The following DECR1 variants were observed in gnomAD, a reference collection of about 807,000 sequenced individuals.
The protein encoded by DECR1 is 2,4-dienoyl-CoA reductase [(3E)-enoyl-CoA-producing], mitochondrial.
Under a neutral mutation model 38.8 loss-of-function variants are expected in DECR1, and 44 were observed. The observed-to-expected ratio is 1.13, with a 90% confidence interval of 0.89 to 1.46. DECR1 has a LOEUF of 1.46. DECR1 is among the 40% of genes most tolerant of loss of function. The probability of loss-of-function intolerance (pLI) is 0.00; values close to 1 mark genes in which losing one functional copy is unlikely to be tolerated. For missense variants in DECR1, 428 were observed against 405.5 expected (o/e 1.06, Z -0.48); for synonymous variants, 148 against 135.2 (o/e 1.09, Z -0.66).
intron 4 of DECR1, among the ~76,000 whole-genome samples, chr8:90,019,515 A>G (rs1196653236): frequency 1.3e-5 from 2 of 152,244 alleles, no homozygotes; most frequent in Non-Finnish European, 2.9e-5. Flanking sequence ...AATTAGGTTT[A>G]TGCAGAAATT....
chr8:90,026,736 G>A (rs1484668607), intron 5 of DECR1, among the ~76,000 whole-genome samples: 6 of 152,044 alleles, frequency 3.9e-5, no homozygotes, highest in African/African-American at 1.4e-4. Flanking sequence ...GTTCTGCTCT[G>A]ATCTTAGTAA....
intron 6 of DECR1, among the ~76,000 whole-genome samples, chr8:90,040,533 G>A (rs1472601112): frequency 2.0e-5 from 3 of 152,136 alleles, no homozygotes; most frequent in Non-Finnish European, 4.4e-5. Flanking sequence ...GTGCAGGTTT[G>A]TTACATAGGT....
intron 5 of DECR1, 98 bp from the exon 6 acceptor site, chr8:90,036,743 A>G: frequency 1.4e-6 from 1 of 734,324 alleles, no homozygotes; most frequent in Non-Finnish European, 2.2e-6. Flanking sequence ...TTTTTCTTAT[A>G]CCCTCTTTAA....
chr8:90,018,117 AC>A (rs1813055699), intron 2 of DECR1, among the ~76,000 whole-genome samples: 1 of 152,180 alleles, frequency 6.6e-6, no homozygotes, highest in African/African-American at 2.4e-5. Context: ...TGAACTCCTG[AC>A]CTCAGGTGAT....
At chr8:90,030,444 C>T (rs1228291088) in intron 5 of DECR1, 1 of 152,238 alleles carries the variant, frequency 6.6e-6, no homozygotes, top group African/African-American at 2.4e-5. Context: ...ATTCCTTCCC[C>T]ACCATTTCCT....
intron 8 of DECR1, 37 bp from the exon 9 acceptor site, chr8:90,051,640 G>C (rs554605005): frequency 6.5e-7 from 1 of 1,543,654 alleles, no homozygotes; most frequent in Admixed American, 1.7e-5. Flanking sequence ...TTTTTAAAAG[G>C]AGTTAGTTTC....
At chr8:90,025,505 A>G (rs1361448774) in intron 5 of DECR1, among the ~76,000 whole-genome samples, 1 of 152,186 alleles carries the variant, frequency 6.6e-6, no homozygotes, top group East Asian at 1.9e-4. Flanking sequence ...GAGTTCACTC[A>G]TGATTTGGCT....
At chr8:90,042,132 A>G (rs1254020064) in intron 6 of DECR1, among the ~76,000 whole-genome samples, 1 of 152,152 alleles carries the variant, frequency 6.6e-6, no homozygotes, top group Admixed American at 6.6e-5. Context: ...ATTTCCTTTC[A>G]AGTTTGGTTC....
chr8:90,015,732 C>A (rs1812991252), intron 1 of DECR1: 1 of 453,438 alleles, frequency 2.2e-6, no homozygotes, highest in South Asian at 1.6e-5. Flanking sequence ...TATCACATAA[C>A]CTCCCTGGTG....
At chr8:90,005,600 C>A in intron 1 of DECR1, 1 of 372,526 alleles carries the variant, frequency 2.7e-6, no homozygotes, top group Middle Eastern at 9.7e-4. Flanking sequence ...AGCTGGCTCC[C>A]AAAAGGAAGA....
intron 1 of DECR1, chr8:90,016,791 A>G (rs1275676137): frequency 3.6e-6 from 1 of 280,256 alleles, no homozygotes; most frequent in Non-Finnish European, 6.9e-6. Context: ...TACCTGTAAT[A>G]ACTCATATAA....
At chr8:90,024,813 G>C (rs535528241) in intron 5 of DECR1, among the ~76,000 whole-genome samples, 1 of 152,266 alleles carries the variant, frequency 6.6e-6, no homozygotes, top group South Asian at 2.1e-4. Context: ...GTCCTGAATG[G>C]TAATGCCTAG....
Position 90,006,081 on chromosome 8 carries a change from C to T in DECR1, c.69+4520C>T, listed in dbSNP as rs114476130. On this transcript the variant is annotated intron_variant, in intron 1 of 9. Coordinates refer to ENST00000220764, the MANE Select transcript of DECR1 (RefSeq NM_001359.2). ...ATTCATGATGGATCTGCCACCATAA[C>T]CCAGGCACCTCCCATTAGACCCCAC... 4,781 of 641,244 alleles carry T rather than the reference C, an allele frequency of 7.5e-3. 17 individuals are homozygous for T. Among genetic ancestry groups the T allele is most frequent in the African/African-American group, 0.017 (918 of 55,238 alleles). 39.7% of individuals were successfully genotyped at this position (641,244 alleles called of 1,614,324 possible).
intron 1 of DECR1, among the ~76,000 whole-genome samples, chr8:90,009,007 A>G (rs1812815195): frequency 6.6e-6 from 1 of 152,192 alleles, no homozygotes; most frequent in Non-Finnish European, 1.5e-5. Context: ...CATGGCAGCC[A>G]GAACAATCCC....
At chr8:90,012,166 T>A (rs1235801261) in intron 1 of DECR1, among the ~76,000 whole-genome samples, 1 of 151,908 alleles carries the variant, frequency 6.6e-6, no homozygotes, top group Non-Finnish European at 1.5e-5. Context: ...CTTTTTTTTT[T>A]TTTTAAGAGG....
chr8:90,032,379 G>T (rs1054825389), intron 5 of DECR1, among the ~76,000 whole-genome samples: 1 of 151,984 alleles, frequency 6.6e-6, no homozygotes, highest in African/African-American at 2.4e-5. Context: ...CATCTCTCTT[G>T]CCTGCTCCTT....
At chr8:90,018,624 A>G in intron 2 of DECR1, 1 of 304,302 alleles carries the variant, frequency 3.3e-6, no homozygotes, top group Non-Finnish European at 6.2e-6. Flanking sequence ...TATACCATGA[A>G]TATATTTTCT....
In DECR1 at chr8:90,036,849, T is replaced by C; in HGVS notation, c.574T>C (p.Phe192Leu). 1.9e-6 allele frequency: 3 copies of C among 1,611,384 alleles called. No homozygotes were observed. The highest frequency in any genetic ancestry group is 3.3e-5 in the Admixed American group (2 of 59,730). ...TCCTTTTAAAATTTCAGGAGCAGCA[T>C]TTCTTTCTATTACTACTATCTATGC... is the stretch of plus-strand genomic sequence containing the variant. Reference protein sequence around the residue: ...QLIKAQKGAAFLSITTIYAET... With the variant: ...QLIKAQKGAALLSITTIYAET... The change falls in exon 6 of 10, where the codon TTT becomes CTT. Residue 192 changes from phenylalanine (F) to leucine (L), a missense_variant. Physicochemically the swap from Phe to Leu is conservative, Grantham distance 22. Coordinates refer to ENST00000220764, the MANE Select transcript of DECR1 (RefSeq NM_001359.2).
chr8:90,042,361 A>G (rs1037733975), intron 6 of DECR1: 1 of 180,568 alleles, frequency 5.5e-6, no homozygotes, highest in Non-Finnish European at 1.2e-5. Context: ...AATAATGAAT[A>G]CCTACTCTAA....
Sources: gnomAD v4.1 joint callset for allele counts (sites outside exome capture counted in the v4.1 genomes callset) on GRCh38, gnomAD v4.1.1 for gene constraint, MANE v1.5 for transcripts, NCBI Gene and HGNC (gene_info 2026-07-23, HGNC 2026-07-21) for gene names.